Variants in GRID2 observed in about 807,000 individuals in gnomAD.
GRID2 encodes the protein glutamate ionotropic receptor delta type subunit 2.
In GRID2, 33 loss-of-function variants were observed where a neutral mutation model predicts 114.8. The ratio of observed to expected loss-of-function variants is 0.29; its 90% CI spans 0.22 to 0.38. The LOEUF is 0.38. Among genes scored for constraint, GRID2 ranks in the 10% least tolerant of loss-of-function variants. GRID2 has a pLI of 1.00. For missense variants in GRID2, 1,184 were observed against 1,257.7 expected (o/e 0.94, Z 0.89); for synonymous variants, 505 against 449.9 (o/e 1.12, Z -1.55).
intron 1 of GRID2, among the ~76,000 whole-genome samples, chr4:93,782,500 G>T (rs1033687006): frequency 1.3e-5 from 2 of 152,106 alleles, no homozygotes; most frequent in African/African-American, 4.8e-5. Flanking sequence ...ACAGTTAAGA[G>T]TACTCTAAGA....
exon 2 of GRID2, chr4:93,809,854 T>C (rs886613607): frequency 2.6e-5 from 4 of 152,202 alleles, no homozygotes; most frequent in African/African-American, 4.8e-5. Flanking sequence ...GTGTCTTATA[T>C]TGTAGTTTAC....
At chr4:92,447,651 T>C (rs1418819963) in intron 1 of GRID2, among the ~76,000 whole-genome samples, 1 of 152,222 alleles carries the variant, frequency 6.6e-6, no homozygotes, top group Non-Finnish European at 1.5e-5. Context: ...TTCACAGTTT[T>C]GGATGCTGAG....
At chr4:93,057,447 C>A (rs1452776956) in intron 2 of GRID2, among the ~76,000 whole-genome samples, 4 of 151,730 alleles carry the variant, frequency 2.6e-5, no homozygotes, top group African/African-American at 9.7e-5. Flanking sequence ...GTTGTTCATT[C>A]CCTGATGGTC....
At chr4:93,435,323 C>T (rs1446312293) in intron 10 of GRID2, among the ~76,000 whole-genome samples, 1 of 152,074 alleles carries the variant, frequency 6.6e-6, no homozygotes, top group Non-Finnish European at 1.5e-5. Flanking sequence ...ATCAATTAAC[C>T]TACTATAGCC....
At chr4:92,338,822 T>C (rs1478813478) in intron 1 of GRID2, among the ~76,000 whole-genome samples, 1 of 152,146 alleles carries the variant, frequency 6.6e-6, no homozygotes, top group Non-Finnish European at 1.5e-5. Context: ...ATTATAATCT[T>C]GACTCCTAAA....
At chr4:93,376,977 T>C (rs1334774532) in intron 8 of GRID2, among the ~76,000 whole-genome samples, 1 of 152,150 alleles carries the variant, frequency 6.6e-6, no homozygotes, top group African/African-American at 2.4e-5. Context: ...GCACATGAAC[T>C]AAAAATAAAA....
intron 4 of GRID2, among the ~76,000 whole-genome samples, chr4:93,167,720 T>C (rs577019810): frequency 1.3e-5 from 2 of 152,296 alleles, no homozygotes; most frequent in East Asian, 1.9e-4. Flanking sequence ...ATATGAGTTA[T>C]TTGAAAATTT....
rs776768287 is a variant in GRID2, at chr4:92,385,894, GTGTGTGTATA to G, written c.88+81152_88+81161del. The stretch of plus-strand genomic sequence containing the variant: ...AATATACGTGTGTGTGTGTGTGTGT[GTGTGTGTATA>G]TATATATATATATATATATATGAAA... On this transcript the variant is annotated intron_variant, in intron 1 of 15. Coordinates refer to ENST00000282020, the MANE Select transcript of GRID2 (RefSeq NM_001510.4). Among the ~76,000 whole-genome samples the G allele has an allele frequency of 4.1e-3, 334 of 80,950 alleles. 1 individual carries two copies. The East Asian group carries it at 0.066, about 16-fold the overall frequency. The allele number at this position is 80,950 out of a possible 152,430, so 53.1% of individuals were successfully genotyped here. A position where few individuals can be genotyped will look rare whatever the true frequency, so the allele number is the denominator to read the frequency against.
intron 2 of GRID2, among the ~76,000 whole-genome samples, chr4:92,801,601 A>G (rs1578209750): frequency 6.6e-6 from 1 of 151,870 alleles, no homozygotes; most frequent in African/African-American, 2.4e-5. Context: ...ACTTCACTTA[A>G]GCTACATAAC....
intron 1 of GRID2, among the ~76,000 whole-genome samples, chr4:92,309,115 G>A (rs1481504282): frequency 1.3e-5 from 2 of 151,848 alleles, no homozygotes; most frequent in African/African-American, 4.8e-5. Context: ...TAAATTTTAA[G>A]CCAAATAGGA....
intron 9 of GRID2, among the ~76,000 whole-genome samples, chr4:93,406,974 AGCAACCTTAAAGTT>A (rs1056304677): frequency 9.9e-5 from 15 of 152,282 alleles, no homozygotes; most frequent in African/African-American, 3.4e-4. Flanking sequence ...AGTAGAGAAA[AGCAACCTTAAAGTT>A]GCAACATCAT....
chr4:92,958,873 A>G (rs530049356), intron 2 of GRID2, among the ~76,000 whole-genome samples: 10 of 151,854 alleles, frequency 6.6e-5, no homozygotes, highest in Non-Finnish European at 1.3e-4. Context: ...TCAGATTGCC[A>G]TTTCTTCTTG....
At chr4:93,722,228 A>G (rs1009888795) in intron 14 of GRID2, among the ~76,000 whole-genome samples, 2 of 152,010 alleles carry the variant, frequency 1.3e-5, no homozygotes, top group African/African-American at 4.8e-5. Flanking sequence ...TAAGTTGTTA[A>G]TATTATACTA....
chr4:93,659,835 T>A (rs532374605), intron 14 of GRID2, among the ~76,000 whole-genome samples: 1 of 150,468 alleles, frequency 6.6e-6, no homozygotes, highest in Non-Finnish European at 1.5e-5. Context: ...AAAGCGAAAA[T>A]CTCATCAAGA....
chr4:93,121,249 A>G (rs1417669526), intron 4 of GRID2, among the ~76,000 whole-genome samples: 2 of 152,194 alleles, frequency 1.3e-5, no homozygotes, highest in Non-Finnish European at 2.9e-5. Flanking sequence ...TTACAACTCA[A>G]CAAATTTCCG....
chr4:93,736,182 T>C (rs1456141258), intron 14 of GRID2, among the ~76,000 whole-genome samples: 1 of 152,012 alleles, frequency 6.6e-6, no homozygotes, highest in African/African-American at 2.4e-5. Flanking sequence ...GCCAAAGTTA[T>C]ACATGATGAT....
intron 5 of GRID2, among the ~76,000 whole-genome samples, chr4:93,209,415 C>T (rs998788806): frequency 3.3e-5 from 5 of 151,928 alleles, no homozygotes; most frequent in African/African-American, 1.2e-4. Flanking sequence ...CATATTTCTG[C>T]GAAGGACATA....
At chr4:93,005,099 A>G (rs1191381526) in intron 2 of GRID2, among the ~76,000 whole-genome samples, 2 of 152,072 alleles carry the variant, frequency 1.3e-5, no homozygotes, top group Non-Finnish European at 2.9e-5. Flanking sequence ...AGATTCACTC[A>G]TTCAACACCC....
At chr4:92,508,469 T>C (rs768208054) in intron 1 of GRID2, among the ~76,000 whole-genome samples, 1 of 151,800 alleles carries the variant, frequency 6.6e-6, no homozygotes, top group Non-Finnish European at 1.5e-5. Context: ...CAGATCTAAG[T>C]GTTATTTTAG....
Sources: allele counts gnomAD v4.1 joint callset (sites outside exome capture counted in the v4.1 genomes callset), GRCh38; gene constraint gnomAD v4.1.1; transcripts MANE v1.5; gene names NCBI Gene and HGNC (gene_info 2026-07-23, HGNC 2026-07-21).